LRRC4C: variants seen among roughly 807,000 people sequenced by gnomAD.
LRRC4C encodes leucine rich repeat containing 4C.
LRRC4C carries 5 observed loss-of-function variants against 33.6 expected under a neutral mutation model. That is an observed-to-expected ratio of 0.15 (90% CI 0.08 to 0.31). The LOEUF (loss-of-function observed/expected upper bound fraction) is 0.31, where lower values mean the gene tolerates loss of function less well. Ranked by LOEUF, LRRC4C falls within the 10% of genes least tolerant of loss-of-function variation. The probability of loss-of-function intolerance (pLI) is 1.00; values close to 1 mark genes in which losing one functional copy is unlikely to be tolerated. For synonymous variants in LRRC4C, 329 were observed against 302.0 expected, an observed-to-expected ratio of 1.09 and a Z score of -0.93; for missense variants, 560 against 796.7, an observed-to-expected ratio of 0.70 and a Z score of 3.58.
At chr11:40,144,507 T>C (rs1857586078) in intron 5 of LRRC4C, among the ~76,000 whole-genome samples, 1 of 152,174 alleles carries the variant, frequency 6.6e-6, no homozygotes, top group African/African-American at 2.4e-5. Context: ...CTCCTTGATC[T>C]TTTACATAGC....
chr11:41,137,261 A>T (rs1943306523), intron 1 of LRRC4C, among the ~76,000 whole-genome samples: 1 of 151,966 alleles, frequency 6.6e-6, no homozygotes, highest in East Asian at 1.9e-4. Context: ...AAAAAAGAAA[A>T]AAAAGTGCCC....
intron 2 of LRRC4C, among the ~76,000 whole-genome samples, chr11:40,686,501 C>A (rs12295886): frequency 0.07 from 10,598 of 151,706 alleles, 1,266 homozygotes; most frequent in African/African-American, 0.24. Flanking sequence ...CGGGGGCGGC[C>A]CAGACGTTGA....
intron 3 of LRRC4C, among the ~76,000 whole-genome samples, chr11:40,340,987 C>T (rs1039272043): frequency 3.9e-5 from 6 of 152,094 alleles, no homozygotes; most frequent in African/African-American, 9.7e-5. Context: ...ATGTTTTGGT[C>T]GTGAGTGCAG....
intron 3 of LRRC4C, among the ~76,000 whole-genome samples, chr11:40,366,959 C>T (rs1460523772): frequency 6.6e-6 from 1 of 152,048 alleles, no homozygotes; most frequent in African/African-American, 2.4e-5. Context: ...AGTTAGTACT[C>T]ACTCTAATAA....
intron 5 of LRRC4C, among the ~76,000 whole-genome samples, chr11:40,233,743 A>G (rs1865363989): frequency 6.6e-6 from 1 of 152,210 alleles, no homozygotes; most frequent in Non-Finnish European, 1.5e-5. Flanking sequence ...AATAAGCAAG[A>G]GTTTTAAAAA....
Position 41,314,056 on chromosome 11 carries a change from A to G in LRRC4C, c.-496+145375T>C, listed in dbSNP as rs140560391. On this transcript the variant is annotated intron_variant, in intron 1 of 6. Coordinates refer to ENST00000528697, the MANE Select transcript of LRRC4C (RefSeq NM_001258419.2). Reference sequence around the variant, plus strand: ...TTTGAAGTCCAAGGGACTTGGGAATAGATTGAGGTAAGGGGCTGGGGGTAG... The same window carrying G: ...TTTGAAGTCCAAGGGACTTGGGAATGGATTGAGGTAAGGGGCTGGGGGTAG... Among the ~76,000 whole-genome samples the G allele has an allele frequency of 3.5e-4, 53 of 152,302 alleles. No individual in the cohort carries two copies. In the East Asian group the frequency reaches 7.9e-3, roughly 23 times the overall value.
chr11:40,669,213 A>G (rs1943961332), intron 2 of LRRC4C, among the ~76,000 whole-genome samples: 1 of 152,202 alleles, frequency 6.6e-6, no homozygotes, highest in South Asian at 2.1e-4. Flanking sequence ...CACAAAATCA[A>G]TTCATCATGT....
At chr11:40,167,812 A>G (rs1383295135) in intron 5 of LRRC4C, among the ~76,000 whole-genome samples, 6 of 152,154 alleles carry the variant, frequency 3.9e-5, no homozygotes, top group Non-Finnish European at 8.8e-5. Flanking sequence ...TGGGAGGCCG[A>G]GGCAGGTGGA....
At chr11:41,311,672 G>A (rs1950645891) in intron 1 of LRRC4C, among the ~76,000 whole-genome samples, 1 of 152,170 alleles carries the variant, frequency 6.6e-6, no homozygotes, top group South Asian at 2.1e-4. Context: ...ATTCCTTGTA[G>A]AGGCAGTGAT....
chr11:40,172,644 C>T (rs1860142062), intron 5 of LRRC4C, among the ~76,000 whole-genome samples: 1 of 152,074 alleles, frequency 6.6e-6, no homozygotes, highest in Non-Finnish European at 1.5e-5. Context: ...CTTCAACTGA[C>T]ATATACCTGT....
At position 40,115,228 on chromosome 11, in the gene LRRC4C, C is replaced by T. The variant is rs149409879; in HGVS notation, c.1065G>A (p.Val355=). The change falls in exon 7 of 7, where the codon GTG becomes GTA. Residue 355 remains valine (V), a synonymous_variant. Transcript: ENST00000528697. This position sits in a 1 kb window ranked among gnomAD's most constrained non-coding sequence, Gnocchi z 6.7. ...TGAGGTCTGCAGGGGGCTCCACAAT[C>T]ACCGGAGCATAGCATGTGAAGTAAT... ...DQNYFTCYAP[V]IVEPPADLNV... is the part of the protein sequence containing the mutation. 5 of 1,614,080 alleles carry T rather than the reference C, an allele frequency of 3.1e-6. No homozygotes were observed. The highest frequency in any genetic ancestry group is 4.2e-6 in the Non-Finnish European group (5 of 1,180,052).
intron 1 of LRRC4C, among the ~76,000 whole-genome samples, chr11:41,087,894 A>T (rs1163826960): frequency 6.6e-6 from 1 of 152,170 alleles, no homozygotes; most frequent in East Asian, 1.9e-4. Flanking sequence ...CAATTATTTG[A>T]CTATATAAGT....
chr11:40,807,476 T>TAGATA (rs61692290), intron 2 of LRRC4C, among the ~76,000 whole-genome samples: 1 of 151,934 alleles, frequency 6.6e-6, no homozygotes, highest in African/African-American at 2.4e-5. Flanking sequence ...GAAACAGCTT[T>TAGATA]ACTCCAACAT....
chr11:40,705,931 T>C lies in LRRC4C; in HGVS notation c.-406-57653A>G, dbSNP rs182299107. The stretch of plus-strand genomic sequence containing the variant: ...TGTGAGATGGTATCTCATTGTGGTT[T>C]TGATGTGCATTTCTCTGATGACCAG... On this transcript the variant is annotated intron_variant, in intron 2 of 6. Coordinates refer to ENST00000528697, the MANE Select transcript of LRRC4C (RefSeq NM_001258419.2). 1.6e-3 allele frequency among the ~76,000 whole-genome samples: 243 copies of C among 152,336 alleles called. 2 individuals carry two copies. The highest frequency in any genetic ancestry group is 2.7e-3 in the Non-Finnish European group (187 of 68,032).
At chr11:40,843,128 T>G (rs775513707) in intron 2 of LRRC4C, among the ~76,000 whole-genome samples, 39 of 152,162 alleles carry the variant, frequency 2.6e-4, no homozygotes, top group Admixed American at 1.1e-3. Flanking sequence ...ACTTGCCTGG[T>G]GACGAACTGA....
chr11:41,259,794 GT>G (rs1190552389), intron 1 of LRRC4C, among the ~76,000 whole-genome samples: 1 of 151,978 alleles, frequency 6.6e-6, no homozygotes, highest in Non-Finnish European at 1.5e-5. Flanking sequence ...TTCTTGCAAA[GT>G]GTAGTAAGAT....
intron 5 of LRRC4C, among the ~76,000 whole-genome samples, chr11:40,236,351 TA>T (rs1865555265): frequency 6.6e-6 from 1 of 152,192 alleles, no homozygotes; most frequent in South Asian, 2.1e-4. Flanking sequence ...TACTCCTCTG[TA>T]ATTATTATTT....
chr11:40,681,908 G>A (rs1354504684), intron 2 of LRRC4C, among the ~76,000 whole-genome samples: 1 of 152,094 alleles, frequency 6.6e-6, no homozygotes, highest in African/African-American at 2.4e-5. Flanking sequence ...GGACACAGAG[G>A]CATAAAAATG....
At chr11:40,694,738 C>T (rs541818205) in intron 2 of LRRC4C, among the ~76,000 whole-genome samples, 14 of 152,202 alleles carry the variant, frequency 9.2e-5, no homozygotes, top group East Asian at 7.7e-4. Context: ...CAGGCAATGT[C>T]GCACCTATAC....
Sources: allele counts gnomAD v4.1 joint callset (sites outside exome capture counted in the v4.1 genomes callset), GRCh38; gene constraint gnomAD v4.1.1; non-coding constraint Gnocchi (gnomAD v3.1); transcripts MANE v1.5; gene names NCBI Gene and HGNC (gene_info 2026-07-23, HGNC 2026-07-21).